The following SH2D4A variants were observed in gnomAD, a reference collection of about 807,000 sequenced individuals.
SH2D4A encodes the protein SH2 domain containing 4A, also known as SH2 domain-containing protein 4A.
SH2D4A carries 70 observed loss-of-function variants against 64.7 expected under a neutral mutation model. The observed-to-expected ratio is 1.08, with a 90% CI of 0.89 to 1.32. SH2D4A has a LOEUF of 1.32. Ranked by LOEUF, SH2D4A falls within the 40% of genes most tolerant of loss-of-function variation. SH2D4A has a pLI of 0.00. For synonymous variants in SH2D4A, 268 were observed against 200.7 expected (o/e 1.34, Z -2.83); for missense variants, 706 against 540.1 (o/e 1.31, Z -3.04).
intron 8 of SH2D4A, among the ~76,000 whole-genome samples, chr8:19,385,797 C>T (rs991894782): frequency 6.6e-6 from 1 of 152,170 alleles, no homozygotes; most frequent in Non-Finnish European, 1.5e-5. Flanking sequence ...TGTCTAAGAT[C>T]TTAGCAGACC....
At chr8:19,328,075 C>T (rs1200715651) in intron 2 of SH2D4A, among the ~76,000 whole-genome samples, 1 of 152,126 alleles carries the variant, frequency 6.6e-6, no homozygotes, top group Non-Finnish European at 1.5e-5. Context: ...CCATGTTTTT[C>T]GTTTGTTTAT....
intron 4 of SH2D4A, among the ~76,000 whole-genome samples, chr8:19,342,869 G>A (rs1256321716): frequency 6.6e-6 from 1 of 152,046 alleles, no homozygotes; most frequent in East Asian, 1.9e-4. Flanking sequence ...GAAAGAGGAG[G>A]GAGTCAGGGA....
chr8:19,387,888 C>T (rs555103669), intron 8 of SH2D4A, among the ~76,000 whole-genome samples: 12 of 152,248 alleles, frequency 7.9e-5, no homozygotes, highest in South Asian at 2.1e-4. Context: ...AGTTAATAAG[C>T]GTTAGCCATT....
Position 19,354,389 on chromosome 8 carries a change from G to C in SH2D4A, c.514-2814G>C, listed in dbSNP as rs147484558. Among the ~76,000 whole-genome samples, 877 of 152,272 alleles carry C rather than the reference G, an allele frequency of 5.8e-3. 5 individuals carry two copies. Among genetic ancestry groups the C allele is most frequent in the Non-Finnish European group, 0.01 (689 of 68,012 alleles). On this transcript the variant is annotated intron_variant, in intron 4 of 9. Coordinates refer to ENST00000265807, the MANE Select transcript of SH2D4A (RefSeq NM_022071.4). The stretch of plus-strand genomic sequence containing the variant: ...ACAAAACCTAAAATTTCAAAGAAAA[G>C]GAAAATCATCAATCATCTCCAACTA...
chr8:19,378,003 C>T (rs1355157901), intron 8 of SH2D4A, among the ~76,000 whole-genome samples: 1 of 152,170 alleles, frequency 6.6e-6, no homozygotes, highest in African/African-American at 2.4e-5. Context: ...TTCCATTCCT[C>T]ACAATGGAAT....
At chr8:19,365,262 C>G (rs1265341040) in intron 7 of SH2D4A, among the ~76,000 whole-genome samples, 2 of 152,250 alleles carry the variant, frequency 1.3e-5, no homozygotes, top group East Asian at 1.9e-4. Flanking sequence ...TCTACTTACT[C>G]TACTGGAAAG....
In SH2D4A at chr8:19,319,489, C is replaced by T. The variant is rs978331784; in HGVS notation, c.-59C>T. On this transcript the variant is annotated 5_prime_UTR_variant, in exon 2 of 10. Transcript: ENST00000265807. ...AAGTGCCAGCACAGGTGGAGGGACA[C>T]CTGGAGGCCAGTTTCAGGAACTTTT... 16 of 1,409,626 alleles carry T rather than the reference C, an allele frequency of 1.1e-5. No homozygotes were observed. Among genetic ancestry groups the T allele is most frequent in the African/African-American group, 1.5e-5 (1 of 67,750 alleles). 87.3% of individuals were successfully genotyped at this position (1,409,626 alleles called of 1,614,324 possible).
At chr8:19,360,195 TAC>T (rs1241050075) in intron 5 of SH2D4A, among the ~76,000 whole-genome samples, 1 of 152,212 alleles carries the variant, frequency 6.6e-6, no homozygotes, top group Non-Finnish European at 1.5e-5. Flanking sequence ...TGTGGAATTT[TAC>T]CCTAAGTTTT....
intron 4 of SH2D4A, among the ~76,000 whole-genome samples, chr8:19,346,202 T>G (rs1472985750): frequency 6.6e-6 from 1 of 152,224 alleles, no homozygotes; most frequent in Non-Finnish European, 1.5e-5. Context: ...CTTGGGGCAG[T>G]ATCCTATAAG....
At chr8:19,323,699 T>C (rs189370108) in intron 2 of SH2D4A, among the ~76,000 whole-genome samples, 4 of 152,310 alleles carry the variant, frequency 2.6e-5, no homozygotes, top group African/African-American at 9.6e-5. Context: ...ATTTTTTTAA[T>C]GTGGCTACTA....
chr8:19,335,160 C>A (rs543124456), intron 4 of SH2D4A, among the ~76,000 whole-genome samples: 1 of 151,900 alleles, frequency 6.6e-6, no homozygotes, highest in Non-Finnish European at 1.5e-5. Context: ...TGGTGGCGGG[C>A]GCCTGCAGTC....
chr8:19,352,126 A>G (rs1303352092), intron 4 of SH2D4A, among the ~76,000 whole-genome samples: 1 of 152,220 alleles, frequency 6.6e-6, no homozygotes, highest in Non-Finnish European at 1.5e-5. Context: ...GTTAGAAGCC[A>G]GTATCAACTG....
At chr8:19,365,585 T>TG (rs2052980134) in intron 7 of SH2D4A, among the ~76,000 whole-genome samples, 1 of 152,234 alleles carries the variant, frequency 6.6e-6, no homozygotes, top group South Asian at 2.1e-4. Flanking sequence ...TAGATGTCCC[T>TG]GTCCCACAGC....
intron 7 of SH2D4A, among the ~76,000 whole-genome samples, chr8:19,371,536 G>T (rs2053095955): frequency 1.3e-5 from 2 of 152,116 alleles, no homozygotes; most frequent in African/African-American, 4.8e-5. Flanking sequence ...ATTATAATAT[G>T]TCTTGGGGTA....
chr8:19,324,225 A>T (rs549887976), intron 2 of SH2D4A, among the ~76,000 whole-genome samples: 4 of 152,236 alleles, frequency 2.6e-5, no homozygotes, highest in Non-Finnish European at 5.9e-5. Flanking sequence ...CACTTGTTTC[A>T]TGGGGTCTAT....
In SH2D4A at chr8:19,352,668, C is replaced by T. The variant is rs117595549; in HGVS notation, c.514-4535C>T. ...CCCTGAGGAAGGAGCAGGCTTCAGA[C>T]GTGGAGATGACATGCATTTGGGTCC... is the stretch of plus-strand genomic sequence containing the variant. On this transcript the variant is annotated intron_variant, in intron 4 of 9. Coordinates refer to ENST00000265807, the MANE Select transcript of SH2D4A (RefSeq NM_022071.4). Among the ~76,000 whole-genome samples the T allele has an allele frequency of 1.1e-4, 16 of 152,218 alleles. No homozygotes were observed. The East Asian group carries it at 2.3e-3, about 22-fold the overall frequency.
At chr8:19,323,921 G>T (rs578203560) in intron 2 of SH2D4A, among the ~76,000 whole-genome samples, 10 of 152,264 alleles carry the variant, frequency 6.6e-5, no homozygotes, top group Admixed American at 3.9e-4. Flanking sequence ...CATTAACTTG[G>T]CCAGGGCAAA....
Position 19,319,330 on chromosome 8 carries a change from C to T in SH2D4A, c.-204-14C>T. 1 of 1,205,126 alleles carries T rather than the reference C, an allele frequency of 8.3e-7. No homozygotes were observed. Among genetic ancestry groups the T allele is most frequent in the Non-Finnish European group, 1.0e-6 (1 of 971,058 alleles). 74.7% of individuals were successfully genotyped at this position (1,205,126 alleles called of 1,614,324 possible). On this transcript the variant is annotated splice_polypyrimidine_tract_variant and intron_variant, in intron 1 of 9. Coordinates refer to ENST00000265807, the MANE Select transcript of SH2D4A (RefSeq NM_022071.4). ...TTAACACGCTGCCTGAATGTGGGCT[C>T]TTTCTCTCTGCAGGTTCAGTGAACA...
At chr8:19,383,432 C>T (rs1289647667) in intron 8 of SH2D4A, among the ~76,000 whole-genome samples, 3 of 150,508 alleles carry the variant, frequency 2.0e-5, no homozygotes, top group Non-Finnish European at 4.4e-5. Flanking sequence ...TTTATACTTA[C>T]ATTTTGTGCA....
Sources: gnomAD v4.1 joint callset for allele counts (sites outside exome capture counted in the v4.1 genomes callset) on GRCh38, gnomAD v4.1.1 for gene constraint, MANE v1.5 for transcripts, NCBI Gene and HGNC (gene_info 2026-07-23, HGNC 2026-07-21) for gene names.